The following D2HGDH variants were observed in gnomAD, a reference collection of about 807,000 sequenced individuals.
The protein encoded by D2HGDH is D-2-hydroxyglutarate dehydrogenase.
A neutral mutation model predicts 46.9 loss-of-function variants in D2HGDH; 31 were observed. The ratio of observed to expected loss-of-function variants is 0.66; its 90% CI spans 0.50 to 0.89. The LOEUF (loss-of-function observed/expected upper bound fraction) is 0.89. Ranked by LOEUF, D2HGDH falls within the 40% of genes least tolerant of loss-of-function variation. D2HGDH has a pLI of 0.00. For synonymous variants in D2HGDH, 364 were observed against 332.6 expected, an observed-to-expected ratio of 1.09 and a Z score of -1.03; for missense variants, 698 against 720.8, an observed-to-expected ratio of 0.97 and a Z score of 0.36.
At position 241,743,800 on chromosome 2, in the gene D2HGDH, C is replaced by T. The variant is rs371907705; in HGVS notation, c.669C>T (p.Val223=). 2 of 1,603,174 alleles carry T rather than the reference C, an allele frequency of 1.2e-6. No individual in the cohort carries two copies. The highest frequency in any genetic ancestry group is 1.7e-6 in the Non-Finnish European group (2 of 1,175,418). ...FLRYGSLHGT[V]LGLEVVLADG... Reference sequence around the variant, plus strand: ...GATATGGCTCACTGCATGGGACTGTCCTGGGCCTGGAAGTGGTGAGCTGGG... The same window carrying T: ...GATATGGCTCACTGCATGGGACTGTTCTGGGCCTGGAAGTGGTGAGCTGGG... The change falls in exon 5 of 10, where the codon GTC becomes GTT. Residue 223 remains valine, a synonymous_variant. Coordinates refer to ENST00000321264, the MANE Select transcript of D2HGDH (RefSeq NM_152783.5). The surrounding 1 kb of genome is among the most constrained non-coding windows in gnomAD (Gnocchi z 4.8).
At position 241,741,106 on chromosome 2, in the gene D2HGDH, C is replaced by T. The variant is rs1694336694; in HGVS notation, c.350+16C>T. On this transcript the variant is annotated intron_variant, in intron 3 of 9. Coordinates refer to ENST00000321264, the MANE Select transcript of D2HGDH (RefSeq NM_152783.5). ...ACATCCTCAGGTGAGGTGGTGGCTCCCGGCTCCCCCAGCCTTCCCTGTTGC... is the reference window on the plus strand; with the variant it reads ...ACATCCTCAGGTGAGGTGGTGGCTCTCGGCTCCCCCAGCCTTCCCTGTTGC... 3 of 1,611,734 alleles carry T rather than the reference C, an allele frequency of 1.9e-6. No individual in the cohort carries two copies. The highest frequency in any genetic ancestry group is 2.5e-6 in the Non-Finnish European group (3 of 1,179,224).
At chr2:241,744,070 G>A (rs562722315) in intron 5 of D2HGDH, among the ~76,000 whole-genome samples, 1 of 152,312 alleles carries the variant, frequency 6.6e-6, no homozygotes, top group Admixed American at 6.5e-5. Flanking sequence ...TGCAGTTACA[G>A]GGGACACCGC....
intron 6 of D2HGDH, chr2:241,748,958 C>T (rs1040479833): frequency 1.2e-5 from 15 of 1,280,050 alleles, no homozygotes; most frequent in Non-Finnish European, 1.4e-5. Context: ...AGACAGGAGT[C>T]ACTCGCCTCT....
chr2:241,746,694 C>T (rs1340157239), intron 6 of D2HGDH, among the ~76,000 whole-genome samples: 1 of 151,996 alleles, frequency 6.6e-6, no homozygotes, highest in East Asian at 1.9e-4. Flanking sequence ...TTGAGACCAG[C>T]CTGGTCAACA....
chr2:241,739,825 G>A (rs1036425898), intron 2 of D2HGDH, among the ~76,000 whole-genome samples: 1 of 152,242 alleles, frequency 6.6e-6, no homozygotes, highest in African/African-American at 2.4e-5. Context: ...CAGTGAGAGC[G>A]AAGGGAAAGC....
rs754773784 is a variant in D2HGDH, at chr2:241,750,302, C to T, written c.997+8C>T. ...TGGCCAGCCCGGTGCAAGGTACTGA[C>T]CCCCCACACAGGGGGCAGCTGGTCC... On this transcript the variant is annotated splice_region_variant and intron_variant, in intron 7 of 9. Coordinates refer to ENST00000321264, the MANE Select transcript of D2HGDH (RefSeq NM_152783.5). 12 of 1,611,630 alleles carry T rather than the reference C, an allele frequency of 7.4e-6. No homozygotes were observed. In the Admixed American group the frequency reaches 1.7e-4, roughly 22 times the overall value.
At chr2:241,756,323 C>A (rs1698174435) in intron 9 of D2HGDH, among the ~76,000 whole-genome samples, 1 of 152,248 alleles carries the variant, frequency 6.6e-6, no homozygotes, top group Admixed American at 6.5e-5. Context: ...TCAGCCTTAA[C>A]CCCGGAGTCC....
chr2:241,753,603 C>T (rs1401472774), intron 8 of D2HGDH, among the ~76,000 whole-genome samples: 1 of 152,184 alleles, frequency 6.6e-6, no homozygotes, highest in East Asian at 1.9e-4. Flanking sequence ...CCGCGGGGGC[C>T]CTGTGTTCAA....
At position 241,735,550 on chromosome 2, in the gene D2HGDH, C is replaced by G. The variant is rs763181655; in HGVS notation, c.292+34C>G. The G allele has an allele frequency of 2.5e-5, 40 of 1,597,254 alleles. No individual in the cohort carries two copies. In the African/African-American group the frequency reaches 4.1e-4, roughly 17 times the overall value. On this transcript the variant is annotated intron_variant, in intron 2 of 9. Coordinates refer to ENST00000321264, the MANE Select transcript of D2HGDH (RefSeq NM_152783.5). ...GGCTTGGGAAGCTGCGGCGTTTCCG[C>G]GTCCCTGCTCCGCTGCGCCTTCCCG...
chr2:241,762,960 T>C (rs999539301), intron 9 of D2HGDH, among the ~76,000 whole-genome samples: 1 of 152,216 alleles, frequency 6.6e-6, no homozygotes. Context: ...ATTTTTGGCA[T>C]GAGCTCATAT....
intron 9 of D2HGDH, among the ~76,000 whole-genome samples, chr2:241,762,084 T>G (rs1180369425): frequency 6.8e-6 from 1 of 147,078 alleles, no homozygotes; most frequent in African/African-American, 2.5e-5. Flanking sequence ...TTTTTTTTTT[T>G]TTTTTGAGAT....
At chr2:241,749,770 T>C (rs4675883) in intron 6 of D2HGDH, 171,362 of 343,142 alleles carry the variant, frequency 0.5, 45,146 homozygotes, top group African/African-American at 0.79. Flanking sequence ...CGTGCACCTG[T>C]CCCTCCTGAT....
chr2:241,747,980 C>T (rs1030722543), intron 6 of D2HGDH, among the ~76,000 whole-genome samples: 5 of 152,202 alleles, frequency 3.3e-5, no homozygotes, highest in African/African-American at 9.7e-5. Context: ...TGGGGGTCTC[C>T]TGGATTCCTC....
intron 9 of D2HGDH, among the ~76,000 whole-genome samples, chr2:241,756,668 T>C (rs992247564): frequency 8.5e-5 from 13 of 152,122 alleles, no homozygotes; most frequent in African/African-American, 3.1e-4. Context: ...ATTACAGGCG[T>C]CCACCACCAG....
intron 8 of D2HGDH, among the ~76,000 whole-genome samples, chr2:241,752,271 C>G (rs542076521): frequency 6.6e-6 from 1 of 152,120 alleles, no homozygotes; most frequent in Non-Finnish European, 1.5e-5. Context: ...GGGGTGCGGT[C>G]GGCTGGGCTC....
intron 6 of D2HGDH, chr2:241,748,831 T>C (rs370244190): frequency 8.2e-7 from 1 of 1,214,018 alleles, no homozygotes; most frequent in South Asian, 1.4e-5. Flanking sequence ...ATCCAGGTTT[T>C]CTGTGTTCTG....
At chr2:241,757,831 C>T (rs1219164616) in intron 9 of D2HGDH, among the ~76,000 whole-genome samples, 1 of 152,056 alleles carries the variant, frequency 6.6e-6, no homozygotes, top group Non-Finnish European at 1.5e-5. Flanking sequence ...TGGTGGCAGG[C>T]ACCTGTAATC....
chr2:241,742,412 C>T lies in D2HGDH; in HGVS notation c.351-23C>T, dbSNP rs373974811. The T allele has an allele frequency of 2.3e-5, 36 of 1,594,132 alleles. No individual in the cohort carries two copies. The highest frequency in any genetic ancestry group is 2.8e-5 in the Non-Finnish European group (33 of 1,169,634). On this transcript the variant is annotated intron_variant, in intron 3 of 9. Transcript: ENST00000321264. The surrounding 1 kb of genome is among the most constrained non-coding windows in gnomAD (Gnocchi z 4.8). ...CGTAGGGGTGGGGACAGAGCCCCAACGTCCCTCCTGTCCTCATCCCAGGCA... is the reference window on the plus strand; with the variant it reads ...CGTAGGGGTGGGGACAGAGCCCCAATGTCCCTCCTGTCCTCATCCCAGGCA...
At chr2:241,760,639 C>A (rs1203242096) in intron 9 of D2HGDH, among the ~76,000 whole-genome samples, 1 of 151,730 alleles carries the variant, frequency 6.6e-6, no homozygotes, top group African/African-American at 2.4e-5. Context: ...AAGTCCTTTG[C>A]CACAGTGTGG....
Sources: allele counts gnomAD v4.1 joint callset (sites outside exome capture counted in the v4.1 genomes callset), GRCh38; gene constraint gnomAD v4.1.1; non-coding constraint Gnocchi (gnomAD v3.1); transcripts MANE v1.5; gene names NCBI Gene and HGNC (gene_info 2026-07-23, HGNC 2026-07-21).